The following MTAP variants were observed in gnomAD, a reference collection of about 807,000 sequenced individuals.
The protein encoded by MTAP is methylthioadenosine phosphorylase.
MTAP carries 33 observed loss-of-function variants against 33.6 expected under a neutral mutation model. That is an observed-to-expected ratio of 0.98 (90% confidence interval 0.74 to 1.31). MTAP has a LOEUF of 1.31. Ranked by LOEUF, MTAP falls within the 40% of genes most tolerant of loss-of-function variation. The pLI is 0.00. For synonymous variants in MTAP, 148 were observed against 125.7 expected, an observed-to-expected ratio of 1.18 and a Z score of -1.19; for missense variants, 367 against 360.0, an observed-to-expected ratio of 1.02 and a Z score of -0.16.
intron 1 of MTAP, among the ~76,000 whole-genome samples, chr9:21,902,424 C>G (rs192717696): frequency 1.1e-3 from 171 of 152,344 alleles, no homozygotes; most frequent in African/African-American, 4.0e-3. Context: ...ATCATCCACA[C>G]TTAGCACATG....
intron 1 of MTAP, among the ~76,000 whole-genome samples, chr9:21,805,852 C>T (rs541731067): frequency 6.6e-6 from 1 of 152,236 alleles, no homozygotes; most frequent in Admixed American, 6.5e-5. Flanking sequence ...TTATAGCAGC[C>T]TGAATGGACT....
intron 1 of MTAP, among the ~76,000 whole-genome samples, chr9:21,882,992 G>C (rs1225163633): frequency 6.6e-6 from 1 of 151,560 alleles, no homozygotes; most frequent in East Asian, 1.9e-4. Context: ...AAATTAAGAA[G>C]TGAGGCCCCT....
intron 1 of MTAP, chr9:21,811,494 G>T (rs1028474554): frequency 2.4e-5 from 6 of 250,560 alleles, no homozygotes; most frequent in African/African-American, 9.0e-5. Flanking sequence ...GGTGTCTTTA[G>T]AACATGTGAT....
At chr9:21,923,623 T>C (rs771859616) in intron 1 of MTAP, among the ~76,000 whole-genome samples, 1 of 152,128 alleles carries the variant, frequency 6.6e-6, no homozygotes, top group Non-Finnish European at 1.5e-5. Context: ...CTTCTGGATA[T>C]TACCCCAGGA....
chr9:21,861,120 C>T (rs1825744018), intron 7 of MTAP: 1 of 152,072 alleles, frequency 6.6e-6, no homozygotes, highest in Non-Finnish European at 1.5e-5. Flanking sequence ...CTTTCAAAAG[C>T]TTGAAGTTAA....
chr9:21,842,990 A>G (rs1302072056), intron 5 of MTAP, among the ~76,000 whole-genome samples: 2 of 152,210 alleles, frequency 1.3e-5, no homozygotes, highest in African/African-American at 4.8e-5. Flanking sequence ...ATAAAAATCT[A>G]CCAACTAAGT....
intron 4 of MTAP, among the ~76,000 whole-genome samples, chr9:21,824,264 A>T (rs900731612): frequency 6.6e-6 from 1 of 152,136 alleles, no homozygotes; most frequent in Non-Finnish European, 1.5e-5. Context: ...TGATGGTGAC[A>T]TACAGATGTG....
chr9:21,941,079 C>T (rs1819130383), downstream of MTAP: 1 of 827,894 alleles, frequency 1.2e-6, no homozygotes, highest in African/African-American at 1.8e-5. Context: ...ATAATAGTTA[C>T]TTAAAATTTA....
Position 21,914,784 on chromosome 9 carries a change from T to TAA in MTAP, c.148-16215_148-16214dup, listed in dbSNP as rs143107602. ...TACCCTGGAACTTAAAGTATAATAA[T>TAA]AAAAAAAAAATAATAAACAAATGGT... On this transcript the variant is annotated intron_variant, in intron 1 of 1. Transcript: ENST00000577563. Among the ~76,000 whole-genome samples the TAA allele has an allele frequency of 9.6e-4, 132 of 137,370 alleles. No individual in the cohort carries two copies. The East Asian group carries it at 0.026, about 27-fold the overall frequency. The allele number at this position is 137,370 out of a possible 152,430, so 90.1% of individuals were successfully genotyped here.
chr9:21,809,741 C>T (rs1013795350), intron 1 of MTAP, among the ~76,000 whole-genome samples: 10 of 152,172 alleles, frequency 6.6e-5, no homozygotes, highest in South Asian at 6.2e-4. Flanking sequence ...AAACAAACTA[C>T]GCCTTGCCCA....
intron 1 of MTAP, among the ~76,000 whole-genome samples, chr9:21,896,472 A>T (rs1037777502): frequency 2.0e-5 from 3 of 152,172 alleles, no homozygotes; most frequent in African/African-American, 7.2e-5. Flanking sequence ...AAGATCAAAA[A>T]AATTGATAGA....
At chr9:21,820,673 G>C (rs1356310803) in intron 4 of MTAP, among the ~76,000 whole-genome samples, 3 of 152,210 alleles carry the variant, frequency 2.0e-5, no homozygotes, top group Non-Finnish European at 4.4e-5. Flanking sequence ...TGTGAAGAAA[G>C]CCATTGGTAG....
intron 1 of MTAP, among the ~76,000 whole-genome samples, chr9:21,908,890 T>C (rs1257141546): frequency 2.0e-5 from 3 of 152,014 alleles, no homozygotes; most frequent in Non-Finnish European, 4.4e-5. Flanking sequence ...TATGGAAGTC[T>C]CATCTCTTTA....
intron 1 of MTAP, chr9:21,931,002 C>T (rs755275807): frequency 2.6e-6 from 2 of 762,328 alleles, no homozygotes; most frequent in Non-Finnish European, 4.8e-6. Flanking sequence ...TTTCTCTCAC[C>T]TTTAGATGAT....
At chr9:21,867,092 T>C (rs1050412130), downstream of MTAP, 2 of 152,178 alleles carry the variant, frequency 1.3e-5, no homozygotes, top group South Asian at 4.1e-4. Context: ...GTAGTTCTTA[T>C]TTTTATTTTA....
chr9:21,844,856 C>T (rs746260070), intron 5 of MTAP, among the ~76,000 whole-genome samples: 22 of 152,142 alleles, frequency 1.4e-4, no homozygotes, highest in Middle Eastern at 6.8e-3. Context: ...ACGGTGAAAC[C>T]CCATCTCTAC....
chr9:21,860,381 CAG>C (rs1202159077), intron 7 of MTAP: 5 of 152,348 alleles, frequency 3.3e-5, no homozygotes, highest in Admixed American at 3.3e-4. Flanking sequence ...CTGGTACGAA[CAG>C]AATCCAGCAC....
chr9:21,929,218 C>G (rs906825424), intron 1 of MTAP, among the ~76,000 whole-genome samples: 2 of 152,122 alleles, frequency 1.3e-5, no homozygotes, highest in Admixed American at 1.3e-4. Context: ...ACCCTCAGCT[C>G]CAGAATACAC....
chr9:21,844,873 T>A, intron 5 of MTAP, among the ~76,000 whole-genome samples: 1 of 151,870 alleles, frequency 6.6e-6, no homozygotes, highest in African/African-American at 2.4e-5. Flanking sequence ...CTACTAAAAA[T>A]ACAAAAAAAT....
Sources: gnomAD v4.1 joint callset for allele counts (sites outside exome capture counted in the v4.1 genomes callset) on GRCh38, gnomAD v4.1.1 for gene constraint, MANE v1.5 for transcripts, NCBI Gene and HGNC (gene_info 2026-07-23, HGNC 2026-07-21) for gene names.